Variants in SHISA9 observed in about 807,000 individuals in gnomAD.
SHISA9 encodes shisa family member 9.
In SHISA9, 13 loss-of-function variants were observed where a neutral mutation model predicts 38.0. The observed-to-expected ratio is 0.34, with a 90% CI of 0.22 to 0.54. SHISA9 has a LOEUF of 0.54. SHISA9 is among the 20% of genes least tolerant of loss of function. SHISA9 has a pLI of 0.91. For synonymous variants in SHISA9, 275 were observed against 242.0 expected, an observed-to-expected ratio of 1.14 and a Z score of -1.27; for missense variants, 538 against 575.8, an observed-to-expected ratio of 0.93 and a Z score of 0.67.
chr16:13,481,649 C>T, the SHISA9 span, among the ~76,000 whole-genome samples: 1 of 152,040 alleles, frequency 6.6e-6, no homozygotes. Context: ...TTGTACCATG[C>T]CCGGCACATA....
At chr16:13,198,913 T>G (rs534032288) in intron 2 of SHISA9, among the ~76,000 whole-genome samples, 3 of 152,344 alleles carry the variant, frequency 2.0e-5, no homozygotes, top group Non-Finnish European at 4.4e-5. Context: ...GTATTATGGT[T>G]GTGTCTACTT....
Position 12,958,816 on chromosome 16 carries a change from C to T in SHISA9, c.691+42001C>T, listed in dbSNP as rs192119673. On this transcript the variant is annotated intron_variant, in intron 2 of 4. Coordinates refer to ENST00000558583, the MANE Select transcript of SHISA9 (RefSeq NM_001145204.3). ...GTAAATGGCAGTACTCTGTACTAGTCAGCTATTATGGCAATAATGCTGCAT... is the reference window on the plus strand; with the variant it reads ...GTAAATGGCAGTACTCTGTACTAGTTAGCTATTATGGCAATAATGCTGCAT... Among the ~76,000 whole-genome samples the T allele has an allele frequency of 3.3e-5, 5 of 152,264 alleles. No individual in the cohort carries two copies. In the East Asian group the frequency reaches 9.6e-4, roughly 29 times the overall value.
the SHISA9 span, among the ~76,000 whole-genome samples, chr16:13,528,006 C>T: frequency 2.6e-5 from 4 of 152,186 alleles, no homozygotes; most frequent in East Asian, 3.8e-4. Flanking sequence ...TTTACCTCTG[C>T]GAACCACAGG....
At chr16:13,394,320 G>T in the SHISA9 span, among the ~76,000 whole-genome samples, 12 of 152,334 alleles carry the variant, frequency 7.9e-5, no homozygotes, top group African/African-American at 2.9e-4. Context: ...AGAGGCCAGT[G>T]AGTTTGAGAG....
chr16:12,974,993 G>T (rs549743493), intron 2 of SHISA9, among the ~76,000 whole-genome samples: 1 of 152,186 alleles, frequency 6.6e-6, no homozygotes, highest in African/African-American at 2.4e-5. Context: ...TTGGTACCTT[G>T]TTAACCTACA....
chr16:13,231,071 C>T (rs907644680), intron 4 of SHISA9, among the ~76,000 whole-genome samples: 4 of 152,204 alleles, frequency 2.6e-5, no homozygotes, highest in African/African-American at 9.6e-5. Flanking sequence ...TCTGGGAATG[C>T]AGCCCAGTAG....
At chr16:13,370,000 C>T in the SHISA9 span, among the ~76,000 whole-genome samples, 1 of 152,012 alleles carries the variant, frequency 6.6e-6, no homozygotes. Flanking sequence ...TTTTCTTTAT[C>T]CACTCATTGG....
At chr16:13,260,802 C>G in the SHISA9 span, among the ~76,000 whole-genome samples, 1 of 152,146 alleles carries the variant, frequency 6.6e-6, no homozygotes, top group African/African-American at 2.4e-5. Flanking sequence ...TTTACTGGTA[C>G]CAATTTACTG....
chr16:13,470,959 G>A, the SHISA9 span, among the ~76,000 whole-genome samples: 1 of 152,008 alleles, frequency 6.6e-6, no homozygotes, highest in Admixed American at 6.6e-5. Context: ...AAGTGAGGAA[G>A]TGGGAAAAAT....
Position 13,239,952 on chromosome 16 carries a change from G to A in SHISA9, c.*4543G>A, listed in dbSNP as rs2051421542. On this transcript the variant is annotated 3_prime_UTR_variant, in exon 5 of 5. Coordinates refer to ENST00000558583, the MANE Select transcript of SHISA9 (RefSeq NM_001145204.3). ...TGTGACTTCCATGTACCAAGACAAG[G>A]ACGCTATAGCTAGGGTAGTGAGACC... The A allele has an allele frequency of 6.6e-6, 1 of 152,224 alleles. No homozygotes were observed. Among genetic ancestry groups the A allele is most frequent in the African/African-American group, 2.4e-5 (1 of 41,438 alleles). The allele number at this position is 152,224 out of a possible 1,614,324, so 9.4% of individuals were successfully genotyped here.
intron 2 of SHISA9, among the ~76,000 whole-genome samples, chr16:13,058,940 G>T (rs276633): frequency 1.3e-5 from 2 of 151,846 alleles, no homozygotes; most frequent in Non-Finnish European, 2.9e-5. Context: ...TGTGGGTTTG[G>T]GGGGTGGACA....
chr16:12,985,076 T>C (rs2072289291), intron 2 of SHISA9, among the ~76,000 whole-genome samples: 1 of 152,182 alleles, frequency 6.6e-6, no homozygotes. Context: ...GAATACTGTG[T>C]TATATATTAC....
At chr16:12,905,930 C>T (rs569192870) in intron 1 of SHISA9, among the ~76,000 whole-genome samples, 2 of 152,312 alleles carry the variant, frequency 1.3e-5, no homozygotes, top group Admixed American at 6.5e-5. Flanking sequence ...TGTTTCTCAA[C>T]GTATGTAACT....
chr16:13,065,676 C>T (rs1220809678), intron 2 of SHISA9, among the ~76,000 whole-genome samples: 1 of 152,218 alleles, frequency 6.6e-6, no homozygotes, highest in Non-Finnish European at 1.5e-5. Flanking sequence ...CACGTGGTGG[C>T]TCTTCTGTAG....
chr16:13,546,780 T>C, the SHISA9 span, among the ~76,000 whole-genome samples: 1 of 152,216 alleles, frequency 6.6e-6, no homozygotes, highest in Non-Finnish European at 1.5e-5. Context: ...TCATGGCTGC[T>C]TTCTCTGTCA....
Position 12,956,674 on chromosome 16 carries a change from G to T in SHISA9, c.691+39859G>T, listed in dbSNP as rs186873495. Among the ~76,000 whole-genome samples the T allele has an allele frequency of 3.9e-5, 6 of 152,226 alleles. No homozygotes were observed. In the South Asian group the frequency reaches 1.2e-3, roughly 32 times the overall value. ...ACTTGTAAGTGGGAGGTAAACAATG[G>T]GTAGACATGGTCATAAAGATGGCAA... On this transcript the variant is annotated intron_variant, in intron 2 of 4. Coordinates refer to ENST00000558583, the MANE Select transcript of SHISA9 (RefSeq NM_001145204.3).
Position 12,902,061 on chromosome 16 carries a change from C to A in SHISA9, c.-4C>A. 1 of 1,483,744 alleles carries A rather than the reference C, an allele frequency of 6.7e-7. No individual in the cohort carries two copies. The highest frequency in any genetic ancestry group is 2.3e-5 in the Admixed American group (1 of 43,010). The allele number at this position is 1,483,744 out of a possible 1,614,324, so 91.9% of individuals were successfully genotyped here. A position where few individuals can be genotyped will look rare whatever the true frequency, so the allele number is the denominator to read the frequency against. On this transcript the variant is annotated 5_prime_UTR_variant, in exon 1 of 5. Coordinates refer to ENST00000558583, the MANE Select transcript of SHISA9 (RefSeq NM_001145204.3). ...GAGCGGCCGAGCCCGGGCTGGGAGA[C>A]ACCATGCGCCGCGTCCTTCGGCTGC...
chr16:13,511,660 G>A, the SHISA9 span, among the ~76,000 whole-genome samples: 1 of 152,118 alleles, frequency 6.6e-6, no homozygotes, highest in Non-Finnish European at 1.5e-5. Context: ...TCAAGTTACA[G>A]TATAGGGAGG....
intron 2 of SHISA9, among the ~76,000 whole-genome samples, chr16:13,059,681 A>G (rs1448284781): frequency 2.0e-5 from 3 of 152,216 alleles, no homozygotes; most frequent in African/African-American, 7.2e-5. Flanking sequence ...TTAAAATAAA[A>G]AGAAGAGTCT....
Sources: allele counts gnomAD v4.1 joint callset (sites outside exome capture counted in the v4.1 genomes callset), GRCh38; gene constraint gnomAD v4.1.1; transcripts MANE v1.5; gene names NCBI Gene and HGNC (gene_info 2026-07-23, HGNC 2026-07-21).